Variants in ADAMTSL1 observed in about 807,000 individuals in gnomAD.
ADAMTSL1 encodes the protein ADAMTS like 1, also known as ADAMTS-like protein 1.
A neutral mutation model predicts 201.8 loss-of-function variants in ADAMTSL1; 126 were observed. The observed-to-expected ratio is 0.62, with a 90% CI of 0.54 to 0.72. ADAMTSL1 has a LOEUF of 0.72. Ranked by LOEUF, ADAMTSL1 falls within the 30% of genes least tolerant of loss-of-function variation. The pLI is 0.00. For missense variants in ADAMTSL1, 2,679 were observed against 2,277.8 expected (o/e 1.18, Z -3.59); for synonymous variants, 1,121 against 903.4 (o/e 1.24, Z -4.32).
chr9:18,809,849 G>C (rs1021733981), intron 20 of ADAMTSL1, among the ~76,000 whole-genome samples: 12 of 152,032 alleles, frequency 7.9e-5, no homozygotes, highest in African/African-American at 2.9e-4. Flanking sequence ...TACTGAAAAG[G>C]GACTGGAAAG....
At chr9:18,796,710 C>G (rs1350554209) in intron 20 of ADAMTSL1, 1 of 152,198 alleles carries the variant, frequency 6.6e-6, no homozygotes, top group Non-Finnish European at 1.5e-5. Context: ...GGATTAAAGA[C>G]TGATATTATT....
chr9:18,074,042 A>G (rs1264668003), intron 1 of ADAMTSL1, among the ~76,000 whole-genome samples: 1 of 152,058 alleles, frequency 6.6e-6, no homozygotes, highest in Admixed American at 6.6e-5. Context: ...TATTCAGTGA[A>G]CGGTCTAATT....
At chr9:18,718,815 C>T (rs1400225381) in intron 14 of ADAMTSL1, among the ~76,000 whole-genome samples, 2 of 152,352 alleles carry the variant, frequency 1.3e-5, no homozygotes, top group South Asian at 2.1e-4. Flanking sequence ...GACAAGCCCA[C>T]GGTCACTTCC....
At chr9:18,390,487 C>T (rs564593125) in intron 2 of ADAMTSL1, among the ~76,000 whole-genome samples, 3 of 152,292 alleles carry the variant, frequency 2.0e-5, no homozygotes, top group East Asian at 1.9e-4. Context: ...TCATTTCTCT[C>T]GGTCAGCTTT....
At chr9:18,791,947 G>C (rs1822089956) in intron 19 of ADAMTSL1, among the ~76,000 whole-genome samples, 2 of 152,204 alleles carry the variant, frequency 1.3e-5, no homozygotes, top group African/African-American at 4.8e-5. Context: ...CAGAAAGCAT[G>C]GTGGCTTACT....
chr9:18,120,453 T>TG (rs1011340179), intron 1 of ADAMTSL1, among the ~76,000 whole-genome samples: 5 of 152,118 alleles, frequency 3.3e-5, no homozygotes, highest in Non-Finnish European at 5.9e-5. Flanking sequence ...TAGGAATTGT[T>TG]GGGGGGGACC....
chr9:18,511,556 G>A (rs1271369091), intron 2 of ADAMTSL1, among the ~76,000 whole-genome samples: 1 of 152,080 alleles, frequency 6.6e-6, no homozygotes, highest in African/African-American at 2.4e-5. Context: ...AAGGCATGTG[G>A]CTGCCAGAAT....
At chr9:18,397,697 G>T (rs1212137229) in intron 2 of ADAMTSL1, among the ~76,000 whole-genome samples, 1 of 152,158 alleles carries the variant, frequency 6.6e-6, no homozygotes, top group African/African-American at 2.4e-5. Context: ...CAATTTCAGA[G>T]ATGATGAAAT....
intron 4 of ADAMTSL1, among the ~76,000 whole-genome samples, chr9:18,593,142 A>G (rs911478183): frequency 6.6e-6 from 1 of 152,134 alleles, no homozygotes; most frequent in South Asian, 2.1e-4. Context: ...TTCCAAATAT[A>G]AGATTATATA....
intron 2 of ADAMTSL1, among the ~76,000 whole-genome samples, chr9:18,224,493 G>C (rs1830373776): frequency 6.6e-6 from 1 of 152,068 alleles, no homozygotes; most frequent in Non-Finnish European, 1.5e-5. Flanking sequence ...TTTTGGTGGA[G>C]ACAAAAATAT....
intron 2 of ADAMTSL1, among the ~76,000 whole-genome samples, chr9:18,440,865 G>A (rs534232173): frequency 2.6e-4 from 40 of 152,114 alleles, no homozygotes; most frequent in African/African-American, 9.4e-4. Flanking sequence ...TAATATTTTA[G>A]CAAATAGGTT....
chr9:18,402,312 T>C (rs1176178900), intron 2 of ADAMTSL1, among the ~76,000 whole-genome samples: 1 of 152,244 alleles, frequency 6.6e-6, no homozygotes, highest in African/African-American at 2.4e-5. Flanking sequence ...AATTTATCAA[T>C]TCTAAGTTGG....
At chr9:18,828,858 G>A (rs1201083857) in intron 22 of ADAMTSL1, among the ~76,000 whole-genome samples, 1 of 151,424 alleles carries the variant, frequency 6.6e-6, no homozygotes, top group East Asian at 2.0e-4. Flanking sequence ...TAATTCACCA[G>A]CCCTAACAAG....
rs1554667508 is a variant in ADAMTSL1 at position 17,940,800 on chromosome 9, A to ACAC, written c.87+33880_87+33882dup. Among the ~76,000 whole-genome samples the ACAC allele has an allele frequency of 6.1e-5, 2 of 32,822 alleles. 1 individual carries two copies. The highest frequency in any genetic ancestry group is 1.2e-4 in the Non-Finnish European group (2 of 16,226). 21.5% of individuals were successfully genotyped at this position (32,822 alleles called of 152,430 possible). A position where few individuals can be genotyped will look rare whatever the true frequency, so the allele number is the denominator to read the frequency against. On this transcript the variant is annotated intron_variant, in intron 1 of 29. Coordinates refer to the ADAMTSL1 transcript ENST00000680146. ...GTAAACTTAAAAATAAAAGTAAATA[A>ACAC]CACCCCCCCCCCAAAAAAAAGAAAG...
chr9:18,123,051 A>C (rs191275481), intron 1 of ADAMTSL1, among the ~76,000 whole-genome samples: 2 of 152,158 alleles, frequency 1.3e-5, no homozygotes, highest in African/African-American at 4.8e-5. Context: ...AAGTTTAAAG[A>C]TATATTTTAC....
chr9:17,960,730 G>T (rs755139314), intron 1 of ADAMTSL1, among the ~76,000 whole-genome samples: 7 of 152,118 alleles, frequency 4.6e-5, no homozygotes, highest in Non-Finnish European at 8.8e-5. Flanking sequence ...TTAACATCTC[G>T]GTCTTTTTAA....
rs56280442 is a variant in ADAMTSL1 at position 18,743,365 on chromosome 9, G to A, written c.2007-9933G>A. Among the ~76,000 whole-genome samples the A allele has an allele frequency of 1.3e-3, 193 of 152,202 alleles. 1 individual carries two copies. Among genetic ancestry groups the A allele is most frequent in the Non-Finnish European group, 1.7e-3 (113 of 68,010 alleles). On this transcript the variant is annotated intron_variant, in intron 15 of 28. Coordinates refer to ENST00000380548, the MANE Select transcript of ADAMTSL1 (RefSeq NM_001040272.6). ...CAAATGGCATGCTAGTAATGAGATGGTAAATGTATATCTTGCTGCAAGTGC... is the reference window on the plus strand; with the variant it reads ...CAAATGGCATGCTAGTAATGAGATGATAAATGTATATCTTGCTGCAAGTGC...
At chr9:18,733,076 G>T (rs983118219) in intron 15 of ADAMTSL1, among the ~76,000 whole-genome samples, 1 of 152,220 alleles carries the variant, frequency 6.6e-6, no homozygotes, top group Non-Finnish European at 1.5e-5. Flanking sequence ...AGAACCTGAG[G>T]CTGTCTGTCC....
chr9:18,535,083 A>C (rs1452293948), intron 3 of ADAMTSL1, among the ~76,000 whole-genome samples: 1 of 151,834 alleles, frequency 6.6e-6, no homozygotes, highest in Non-Finnish European at 1.5e-5. Context: ...CCCAGAAAAA[A>C]ATTTTTTCTA....
Sources: gnomAD v4.1 joint callset for allele counts (sites outside exome capture counted in the v4.1 genomes callset) on GRCh38, gnomAD v4.1.1 for gene constraint, MANE v1.5 for transcripts, NCBI Gene and HGNC (gene_info 2026-07-23, HGNC 2026-07-21) for gene names.